ATL1: variants seen among roughly 807,000 people sequenced by gnomAD.
The protein encoded by ATL1 is atlastin GTPase 1, also known as atlastin-1.
In ATL1, 31 loss-of-function variants were observed where a neutral mutation model predicts 75.5. That is an observed-to-expected ratio of 0.41 (90% CI 0.31 to 0.55). The LOEUF (loss-of-function observed/expected upper bound fraction) is 0.55. ATL1 is among the 20% of genes least tolerant of loss of function. The pLI is 0.27. For missense variants in ATL1, 405 were observed against 662.6 expected (o/e 0.61, Z 4.27); for synonymous variants, 226 against 233.3 (o/e 0.97, Z 0.28).
rs950695595 is a variant in ATL1, at chr14:50,589,986, G to A, written c.283-955G>A. Among the ~76,000 whole-genome samples the A allele has an allele frequency of 1.1e-4, 16 of 152,134 alleles. No homozygotes were observed. In the South Asian group the frequency reaches 2.3e-3, roughly 22 times the overall value. On this transcript the variant is annotated intron_variant, in intron 2 of 13. Coordinates refer to ENST00000358385, the MANE Select transcript of ATL1 (RefSeq NM_015915.5). ...ATGGGGGTAACTACTATCAACCAAG[G>A]TCACCAATTACTGACTTACTAAATC...
upstream of ATL1, chr14:50,559,413 A>G (rs1386406195): frequency 6.6e-6 from 1 of 152,232 alleles, no homozygotes; most frequent in East Asian, 1.9e-4. Flanking sequence ...AAAGGGAAAG[A>G]TTGAAAGTAT....
intron 1 of ATL1, among the ~76,000 whole-genome samples, chr14:50,551,794 A>T (rs1349569827): frequency 6.6e-6 from 1 of 152,228 alleles, no homozygotes; most frequent in Non-Finnish European, 1.5e-5. Flanking sequence ...CAGGAAAAGC[A>T]TTTGATAAAA....
At chr14:50,562,792 A>G (rs2038863506) in intron 1 of ATL1, among the ~76,000 whole-genome samples, 1 of 152,236 alleles carries the variant, frequency 6.6e-6, no homozygotes, top group Non-Finnish European at 1.5e-5. Context: ...TGTTAAGTAC[A>G]TATGACATAA....
At chr14:50,539,953 G>A (rs1245940760) in intron 1 of ATL1, among the ~76,000 whole-genome samples, 2 of 152,188 alleles carry the variant, frequency 1.3e-5, no homozygotes, top group African/African-American at 2.4e-5. Flanking sequence ...ATTCTGCTTA[G>A]TCAAACTCTA....
intron 8 of ATL1, among the ~76,000 whole-genome samples, chr14:50,617,435 A>G (rs2039426113): frequency 6.6e-6 from 1 of 152,170 alleles, no homozygotes; most frequent in Non-Finnish European, 1.5e-5. Flanking sequence ...AGGTAGCCAC[A>G]TTATAAGATG....
At chr14:50,618,201 G>A (rs1050724079) in intron 8 of ATL1, among the ~76,000 whole-genome samples, 2 of 152,110 alleles carry the variant, frequency 1.3e-5, no homozygotes, top group East Asian at 3.8e-4. Flanking sequence ...ATACATTCTA[G>A]GTGTATAGTA....
At chr14:50,615,620 T>C (rs2039407448) in intron 8 of ATL1, among the ~76,000 whole-genome samples, 1 of 152,208 alleles carries the variant, frequency 6.6e-6, no homozygotes, top group Non-Finnish European at 1.5e-5. Flanking sequence ...AGTAAGCATA[T>C]GGTACATATG....
intron 11 of ATL1, among the ~76,000 whole-genome samples, chr14:50,627,499 T>C (rs1210120916): frequency 6.6e-6 from 1 of 152,230 alleles, no homozygotes; most frequent in Non-Finnish European, 1.5e-5. Flanking sequence ...ACATTTAATA[T>C]ACTCCTAACT....
chr14:50,626,570 C>T (rs762544898), intron 11 of ATL1, among the ~76,000 whole-genome samples: 7 of 152,210 alleles, frequency 4.6e-5, no homozygotes, highest in Non-Finnish European at 8.8e-5. Context: ...GAATCTACTC[C>T]TAGCGAAGAT....
chr14:50,577,877 A>G (rs968043591), intron 1 of ATL1, among the ~76,000 whole-genome samples: 5 of 152,188 alleles, frequency 3.3e-5, no homozygotes, highest in Non-Finnish European at 7.4e-5. Context: ...GTATGGATAT[A>G]CCACATTTTA....
rs778130435 is a variant in ATL1 at position 50,587,933 on chromosome 14, T to C, written c.137T>C (p.Phe46Ser). 1.2e-6 allele frequency: 2 copies of C among 1,613,944 alleles called. No homozygotes were observed. The highest frequency in any genetic ancestry group is 2.7e-5 in the African/African-American group (2 of 74,860). The change falls in exon 2 of 14, where the codon TTT becomes TCT. Residue 46 changes from phenylalanine (F) to serine (S), a missense_variant. Around this residue, in one of 5 missense-constraint regions of ATL1, gnomAD observed 126 missense variants for 172.0 expected, o/e 0.73. Transcript: ENST00000358385. ...QVLIVKDDHS[F>S]ELDETALNRI... ...CTCATTGTCAAAGATGACCATTCCT[T>C]TGAGTTAGATGAAACTGCATTAAAT...
At chr14:50,577,489 T>C (rs2140191413) in intron 1 of ATL1, among the ~76,000 whole-genome samples, 1 of 152,360 alleles carries the variant, frequency 6.6e-6, no homozygotes, top group South Asian at 2.1e-4. Context: ...TTAACAGCTT[T>C]ATTGAAATAT....
chr14:50,625,350 C>T (rs2039507709), intron 11 of ATL1, among the ~76,000 whole-genome samples: 1 of 152,166 alleles, frequency 6.6e-6, no homozygotes, highest in African/African-American at 2.4e-5. Flanking sequence ...ACATAAAGTG[C>T]AAGGTGAAGC....
rs552826761 is a variant in ATL1 at position 50,610,757 on chromosome 14, G to C, written c.631-2502G>C. 2.0e-5 allele frequency among the ~76,000 whole-genome samples: 3 copies of C among 152,246 alleles called. No individual in the cohort carries two copies. In the South Asian group the frequency reaches 6.2e-4, roughly 32 times the overall value. On this transcript the variant is annotated intron_variant, in intron 6 of 13. Transcript: ENST00000358385. ...TGCCAAGCACTGTACTAGGTGTTAA[G>C]GATACTATAATGATCAAGAAAGAGA... is the stretch of plus-strand genomic sequence containing the variant.
chr14:50,597,667 A>G (rs2039233058), intron 6 of ATL1, among the ~76,000 whole-genome samples: 1 of 152,144 alleles, frequency 6.6e-6, no homozygotes, highest in African/African-American at 2.4e-5. Flanking sequence ...ATGTGATAAC[A>G]TTTTTAAATT....
chr14:50,594,725 T>C (rs1411606371), intron 5 of ATL1, among the ~76,000 whole-genome samples: 1 of 152,210 alleles, frequency 6.6e-6, no homozygotes, highest in African/African-American at 2.4e-5. Flanking sequence ...CCGGGTGCAG[T>C]GGCTTACGCC....
chr14:50,574,971 A>ATATATATATATATATATATATC (rs1234160143), intron 1 of ATL1, among the ~76,000 whole-genome samples: 1 of 129,610 alleles, frequency 7.7e-6, no homozygotes, highest in African/African-American at 3.0e-5. Context: ...ATATATATAT[A>ATATATATATATATATATATATC]TATATTAGCT....
At chr14:50,626,074 G>A (rs1289899415) in intron 11 of ATL1, among the ~76,000 whole-genome samples, 3 of 152,176 alleles carry the variant, frequency 2.0e-5, no homozygotes, top group Admixed American at 6.5e-5. Context: ...ACTGCTCGTT[G>A]GCAATGACCT....
At chr14:50,551,740 A>C (rs974519210) in intron 1 of ATL1, among the ~76,000 whole-genome samples, 1 of 152,172 alleles carries the variant, frequency 6.6e-6, no homozygotes, top group African/African-American at 2.4e-5. Context: ...CAATAAATGT[A>C]ATACATCATA....
Sources: allele counts gnomAD v4.1 joint callset (sites outside exome capture counted in the v4.1 genomes callset), GRCh38; gene constraint gnomAD v4.1.1; regional missense constraint gnomAD v4.1.1; transcripts MANE v1.5; gene names NCBI Gene and HGNC (gene_info 2026-07-23, HGNC 2026-07-21).